The following MYH10 variants were observed in gnomAD, a reference collection of about 807,000 sequenced individuals.
MYH10 encodes myosin heavy chain 10.
Under a neutral mutation model 257.8 loss-of-function variants are expected in MYH10, and 55 were observed. The ratio of observed to expected loss-of-function variants is 0.21; its 90% CI spans 0.17 to 0.27. The LOEUF is 0.27. MYH10 is among the 10% of genes least tolerant of loss of function. The pLI, the probability that MYH10 is intolerant of heterozygous loss-of-function variation, is 1.00. For missense variants in MYH10, 1,631 were observed against 2,500.6 expected (o/e 0.65, Z 7.42); for synonymous variants, 854 against 921.7 (o/e 0.93, Z 1.33).
chr17:8,573,279 G>A (rs1175952480), intron 6 of MYH10, among the ~76,000 whole-genome samples: 2 of 152,162 alleles, frequency 1.3e-5, no homozygotes, highest in African/African-American at 2.4e-5. Context: ...GCTGAGATCC[G>A]GCTGTACCTT....
chr17:8,568,637 G>A (rs2083238396), intron 7 of MYH10, among the ~76,000 whole-genome samples: 1 of 152,140 alleles, frequency 6.6e-6, no homozygotes, highest in Admixed American at 6.5e-5. Context: ...GGAAATAATT[G>A]AACAATGAAG....
At chr17:8,533,647 A>C (rs2082063518) in intron 16 of MYH10, among the ~76,000 whole-genome samples, 2 of 152,178 alleles carry the variant, frequency 1.3e-5, no homozygotes, top group African/African-American at 4.8e-5. Context: ...TTCTCTTTTA[A>C]GGACAAGGAA....
chr17:8,614,198 A>G (rs1406690836), intron 2 of MYH10, among the ~76,000 whole-genome samples: 3 of 152,164 alleles, frequency 2.0e-5, no homozygotes, highest in African/African-American at 4.8e-5. Flanking sequence ...AACAAATATA[A>G]AAGAATTGAA....
intron 1 of MYH10, among the ~76,000 whole-genome samples, chr17:8,627,996 G>A (rs1037588755): frequency 6.6e-6 from 1 of 152,202 alleles, no homozygotes; most frequent in Non-Finnish European, 1.5e-5. Flanking sequence ...AATGATGGAA[G>A]GTGACATGGA....
At chr17:8,479,958 T>C in intron 40 of MYH10, 152 bp downstream of exon 40, 1 of 703,252 alleles carries the variant, frequency 1.4e-6, no homozygotes, top group East Asian at 2.7e-5. Context: ...ACAGCTCTTC[T>C]CTCACAGCTC....
At chr17:8,617,723 CA>C (rs1490478270) in intron 2 of MYH10, among the ~76,000 whole-genome samples, 4 of 151,874 alleles carry the variant, frequency 2.6e-5, no homozygotes, top group Admixed American at 2.0e-4. Flanking sequence ...AAACAATGTA[CA>C]AAACAGTGGA....
In MYH10 at chr17:8,492,330, G is replaced by A. The variant is rs921176478; in HGVS notation, c.4638C>T (p.Asp1546=). Residue 1546 remains aspartate, a synonymous_variant, in exon 34 of 43, where the codon GAC becomes GAT. Transcript: ENST00000360416. Reference sequence around the variant, plus strand: ...CCACATCATCTTTGGAGCTCATGAGGTCTTCCATGTCTGCTCGGAGCTGCT... The same window carrying A: ...CCACATCATCTTTGGAGCTCATGAGATCTTCCATGTCTGCTCGGAGCTGCT... ...QNKQLRADME[D]LMSSKDDVGK... is the part of the protein sequence containing the mutation. 1.2e-6 allele frequency: 2 copies of A among 1,613,574 alleles called. No individual in the cohort carries two copies. Among genetic ancestry groups the A allele is most frequent in the Non-Finnish European group, 1.7e-6 (2 of 1,180,024 alleles).
chr17:8,521,404 A>G, intron 17 of MYH10, 119 bp from the exon 18 acceptor site: 4 of 1,058,424 alleles, frequency 3.8e-6, no homozygotes, highest in Non-Finnish European at 5.5e-6. Flanking sequence ...AGGAGATGCC[A>G]TATAGGTAAG....
chr17:8,586,121 C>A (rs899604254), intron 4 of MYH10, among the ~76,000 whole-genome samples: 9 of 152,170 alleles, frequency 5.9e-5, no homozygotes, highest in African/African-American at 2.2e-4. Flanking sequence ...TAGCACCGAA[C>A]AGAGTGAACC....
At chr17:8,579,197 C>T (rs568401364) in intron 4 of MYH10, among the ~76,000 whole-genome samples, 15 of 151,802 alleles carry the variant, frequency 9.9e-5, no homozygotes, top group African/African-American at 2.7e-4. Flanking sequence ...GAAGATCTCT[C>T]GAGCCTAGGA....
Position 8,569,886 on chromosome 17 carries a change from G to T in MYH10, c.664-74C>A. Reference sequence around the variant, plus strand: ...AATGTCTTTACTCAAGTCATCAGGGGAAAAATTTCTAAAAAAGAAACTGCA... The same window carrying T: ...AATGTCTTTACTCAAGTCATCAGGGTAAAAATTTCTAAAAAAGAAACTGCA... On this transcript the variant is annotated intron_variant, in intron 6 of 42. Coordinates refer to ENST00000360416, the MANE Select transcript of MYH10 (RefSeq NM_001256012.3). The surrounding 1 kb of genome is among the most constrained non-coding windows in gnomAD (Gnocchi z 4.1). 8.8e-7 allele frequency: 1 copy of T among 1,139,512 alleles called. No homozygotes were observed. Among genetic ancestry groups the T allele is most frequent in the Non-Finnish European group, 1.2e-6 (1 of 807,440 alleles). 70.6% of individuals were successfully genotyped at this position (1,139,512 alleles called of 1,614,324 possible).
At chr17:8,610,430 CA>C (rs201237812) in intron 2 of MYH10, among the ~76,000 whole-genome samples, 2 of 139,448 alleles carry the variant, frequency 1.4e-5, no homozygotes, top group Admixed American at 7.1e-5. Flanking sequence ...TCTCCAGAAG[CA>C]AAAAAAAATA....
rs745334203 is a variant in MYH10 at position 8,475,459 on chromosome 17, G to A, written c.*345C>T. 4.1e-5 allele frequency: 9 copies of A among 218,752 alleles called. No individual in the cohort carries two copies. Among genetic ancestry groups the A allele is most frequent in the South Asian group, 7.8e-5 (1 of 12,902 alleles). The allele number at this position is 218,752 out of a possible 1,614,324, so 13.6% of individuals were successfully genotyped here. The stretch of plus-strand genomic sequence containing the variant: ...AGAGCGACTGAGTGACGACCACGGC[G>A]CTGCCCCAATAACCCAGCGACCCGC... On this transcript the variant is annotated 3_prime_UTR_variant, in exon 43 of 43. Coordinates refer to ENST00000360416, the MANE Select transcript of MYH10 (RefSeq NM_001256012.3).
chr17:8,560,307 T>A (rs1371924173), intron 7 of MYH10, among the ~76,000 whole-genome samples: 1 of 152,240 alleles, frequency 6.6e-6, no homozygotes, highest in Non-Finnish European at 1.5e-5. Flanking sequence ...CTTTGAATTC[T>A]AGCAACTGTA....
At chr17:8,592,935 A>ATATATATATATATG (rs2084217798) in intron 3 of MYH10, among the ~76,000 whole-genome samples, 1 of 71,948 alleles carries the variant, frequency 1.4e-5, no homozygotes, top group South Asian at 4.2e-4. Context: ...AAATCCAGCT[A>ATATATATATATATG]TATATATATA....
chr17:8,512,711 A>G, intron 23 of MYH10, 54 bp from the exon 24 acceptor site: 1 of 1,435,602 alleles, frequency 7.0e-7, no homozygotes, highest in Non-Finnish European at 9.5e-7. Context: ...CGTACACAGT[A>G]TATATTCGCC....
chr17:8,537,216 C>T (rs2082166533), intron 14 of MYH10, among the ~76,000 whole-genome samples: 1 of 152,154 alleles, frequency 6.6e-6, no homozygotes, highest in African/African-American at 2.4e-5. Context: ...AAACTGAACT[C>T]GTACCAGTTC....
rs1202567364 is a variant in MYH10, at chr17:8,499,507, T to C, written c.3745-31A>G. The C allele has an allele frequency of 2.5e-6, 4 of 1,606,356 alleles. No homozygotes were observed. The Admixed American group carries it at 5.0e-5, about 20-fold the overall frequency. ...AGACGGAAGGGAAAACATAATTCAC[T>C]AGTTATTTTCTAAAACTCCATACAG... On this transcript the variant is annotated intron_variant, in intron 29 of 42. Transcript: ENST00000360416.
At chr17:8,590,515 T>G (rs1447175180) in intron 3 of MYH10, among the ~76,000 whole-genome samples, 1 of 152,052 alleles carries the variant, frequency 6.6e-6, no homozygotes, top group African/African-American at 2.4e-5. Context: ...TTTTGCCATG[T>G]TGCCCAGGCT....
Sources: gnomAD v4.1 joint callset for allele counts (sites outside exome capture counted in the v4.1 genomes callset) on GRCh38, gnomAD v4.1.1 for gene constraint, Gnocchi (gnomAD v3.1) non-coding constraint, MANE v1.5 for transcripts, NCBI Gene and HGNC (gene_info 2026-07-23, HGNC 2026-07-21) for gene names.